Variants in SLC22A23 observed in about 807,000 individuals in gnomAD.
The protein encoded by SLC22A23 is solute carrier family 22 member 23.
In SLC22A23, 26 loss-of-function variants were observed where a neutral mutation model predicts 61.0. That is an observed-to-expected ratio of 0.43 (90% confidence interval 0.31 to 0.59). The LOEUF is 0.59. Ranked by LOEUF, SLC22A23 falls within the 20% of genes least tolerant of loss-of-function variation. The pLI is 0.11. For missense variants in SLC22A23, 796 were observed against 934.7 expected, an observed-to-expected ratio of 0.85 and a Z score of 1.94; for synonymous variants, 430 against 413.9, an observed-to-expected ratio of 1.04 and a Z score of -0.47.
chr6:3,386,048 C>T lies in SLC22A23; in HGVS notation c.913+24140G>A, dbSNP rs1312989331. Among the ~76,000 whole-genome samples, 3 of 152,184 alleles carry T rather than the reference C, an allele frequency of 2.0e-5. No individual in the cohort carries two copies. Among genetic ancestry groups the T allele is most frequent in the South Asian group, 2.1e-4 (1 of 4,834 alleles). ...GTGACACATCTCACTCTAAATGATG[C>T]GGCTCTCAAATTCCCCATTCATGCC... On this transcript the variant is annotated intron_variant, in intron 3 of 9. Coordinates refer to ENST00000406686, the MANE Select transcript of SLC22A23 (RefSeq NM_015482.2). The surrounding 1 kb of genome is among the most constrained non-coding windows in gnomAD (Gnocchi z 4.4).
chr6:3,371,529 T>C (rs1462430779), intron 3 of SLC22A23, among the ~76,000 whole-genome samples: 1 of 152,232 alleles, frequency 6.6e-6, no homozygotes, highest in African/African-American at 2.4e-5. Context: ...GGCGGGGGCT[T>C]AGACTCCTGG....
At position 3,454,585 on chromosome 6, in the gene SLC22A23, T is replaced by C. The variant is rs1307972597; in HGVS notation, c.654+1321A>G. On this transcript the variant is annotated intron_variant, in intron 1 of 9. Coordinates refer to ENST00000406686, the MANE Select transcript of SLC22A23 (RefSeq NM_015482.2). This position sits in a 1 kb window ranked among gnomAD's most constrained non-coding sequence, Gnocchi z 4.3. ...TGCTGCTAAACCAACAAAGAAATAT[T>C]GCCCTCCGTGAAGGGAAAACAGTCA... Among the ~76,000 whole-genome samples, 6 of 152,224 alleles carry C rather than the reference T, an allele frequency of 3.9e-5. No homozygotes were observed. Among genetic ancestry groups the C allele is most frequent in the Non-Finnish European group, 7.3e-5 (5 of 68,046 alleles).
At chr6:3,418,195 G>C (rs971534616) in intron 1 of SLC22A23, among the ~76,000 whole-genome samples, 1 of 152,166 alleles carries the variant, frequency 6.6e-6, no homozygotes, top group East Asian at 1.9e-4. Context: ...AACACATCCC[G>C]ACCCCAGGTT....
chr6:3,389,930 A>G (rs1239968183), intron 3 of SLC22A23, among the ~76,000 whole-genome samples: 2 of 152,236 alleles, frequency 1.3e-5, no homozygotes, highest in African/African-American at 4.8e-5. Context: ...CCTTTTGGCT[A>G]ACTTCGCAAA....
Position 3,410,190 on chromosome 6 carries a change from A to G in SLC22A23, c.911T>C (p.Leu304Ser). The change falls in exon 3 of 10, where the codon TTA becomes TCA. Residue 304 changes from leucine to serine, a missense_variant and splice_region_variant. Physicochemically the swap from Leu to Ser is moderately radical, Grantham distance 145. Transcript: ENST00000406686. This position sits in a 1 kb window ranked among gnomAD's most constrained non-coding sequence, Gnocchi z 5.0. ...LAGIILTLYA[L>S]RIELCPPGKR... is the part of the protein sequence containing the mutation. ...TAGTCGTGAAGGCTCCTACTTACGT[A>G]AAGCATACAAGGTGAGAATGATTCC... 1 of 1,607,840 alleles carries G rather than the reference A, an allele frequency of 6.2e-7. No individual in the cohort carries two copies. Among genetic ancestry groups the G allele is most frequent in the Non-Finnish European group, 8.5e-7 (1 of 1,178,076 alleles).
intron 3 of SLC22A23, among the ~76,000 whole-genome samples, chr6:3,409,975 C>A (rs1038787565): frequency 3.9e-5 from 6 of 152,200 alleles, no homozygotes; most frequent in Non-Finnish European, 7.3e-5. Context: ...CTTTGATGTG[C>A]ACTGAGCCCG....
intron 1 of SLC22A23, 149 bp downstream of exon 1, chr6:3,455,757 G>T: frequency 1.0e-6 from 1 of 959,240 alleles, no homozygotes; most frequent in South Asian, 1.9e-5. Flanking sequence ...CATGTGGTTT[G>T]GGGGACGGAA....
chr6:3,345,159 T>C (rs1473248738), intron 3 of SLC22A23, among the ~76,000 whole-genome samples: 2 of 152,172 alleles, frequency 1.3e-5, no homozygotes, highest in African/African-American at 2.4e-5. Flanking sequence ...CCAAATTCAG[T>C]AGACTCCTAG....
chr6:3,355,052 G>A (rs1482386377), intron 3 of SLC22A23, among the ~76,000 whole-genome samples: 2 of 151,572 alleles, frequency 1.3e-5, no homozygotes, highest in Non-Finnish European at 2.9e-5. Context: ...TCCTACTACC[G>A]AGTTTATAAA....
rs904928693 is a variant in SLC22A23 at position 3,433,636 on chromosome 6, C to T, written c.655-17781G>A. Reference sequence around the variant, plus strand: ...GGGCACAGCAGTCTAAGCATAATCACCACAGGCTGGAAACAACCCTGCGTC... The same window carrying T: ...GGGCACAGCAGTCTAAGCATAATCATCACAGGCTGGAAACAACCCTGCGTC... On this transcript the variant is annotated intron_variant, in intron 1 of 9. Transcript: ENST00000406686. Among the ~76,000 whole-genome samples, 10 of 152,286 alleles carry T rather than the reference C, an allele frequency of 6.6e-5. No homozygotes were observed. The East Asian group carries it at 1.5e-3, about 24-fold the overall frequency.
At chr6:3,282,453 G>A in intron 9 of SLC22A23, 1 of 607,960 alleles carries the variant, frequency 1.6e-6, no homozygotes, top group Non-Finnish European at 2.9e-6. Context: ...CAAAAAGTGT[G>A]GACGTGAAGA....
chr6:3,358,015 C>A (rs566706445), intron 3 of SLC22A23, among the ~76,000 whole-genome samples: 2 of 152,254 alleles, frequency 1.3e-5, no homozygotes, highest in South Asian at 4.2e-4. Context: ...GAGAGGCAAC[C>A]AGCTCTTGCA....
chr6:3,281,017 C>G (rs1242216832), intron 9 of SLC22A23, among the ~76,000 whole-genome samples: 2 of 152,140 alleles, frequency 1.3e-5, no homozygotes, highest in African/African-American at 4.8e-5. Flanking sequence ...AGGCGGGTGT[C>G]ATGATCACCA....
chr6:3,417,562 A>T, intron 1 of SLC22A23, among the ~76,000 whole-genome samples: 1 of 152,186 alleles, frequency 6.6e-6, no homozygotes, highest in Middle Eastern at 3.2e-3. Context: ...TGCTCCAGGG[A>T]CCAGCAGCAT....
At chr6:3,367,668 T>C (rs1158506481) in intron 3 of SLC22A23, among the ~76,000 whole-genome samples, 3 of 152,184 alleles carry the variant, frequency 2.0e-5, no homozygotes, top group Non-Finnish European at 2.9e-5. Context: ...ACACAGCTCA[T>C]AGTGGTGGTA....
At position 3,292,641 on chromosome 6, in the gene SLC22A23, C is replaced by T. The variant is rs895573331; in HGVS notation, c.1211-2775G>A. Among the ~76,000 whole-genome samples the T allele has an allele frequency of 4.6e-5, 7 of 152,364 alleles. No homozygotes were observed. The South Asian group carries it at 6.2e-4, about 14-fold the overall frequency. ...CAGCCCCTGTGCCTCCACATTTTCA[C>T]GGATCCCCGTGTGGTCGGGGCTGAG... is the stretch of plus-strand genomic sequence containing the variant. On this transcript the variant is annotated intron_variant, in intron 5 of 9. Transcript: ENST00000406686.
chr6:3,294,600 G>A (rs1760910395), intron 5 of SLC22A23, among the ~76,000 whole-genome samples: 1 of 152,178 alleles, frequency 6.6e-6, no homozygotes, highest in East Asian at 1.9e-4. Context: ...GCATTAGGCT[G>A]CTGGCCACAC....
intron 3 of SLC22A23, among the ~76,000 whole-genome samples, chr6:3,401,087 A>T (rs902555279): frequency 6.6e-6 from 1 of 152,260 alleles, no homozygotes; most frequent in African/African-American, 2.4e-5. Context: ...CATGCCTGTA[A>T]TCCCAGCACT....
chr6:3,357,977 G>C (rs1765216674), intron 3 of SLC22A23, among the ~76,000 whole-genome samples: 1 of 152,220 alleles, frequency 6.6e-6, no homozygotes, highest in Non-Finnish European at 1.5e-5. Context: ...GTGAGGGGAA[G>C]GGAAGAGGCC....
Sources: allele counts gnomAD v4.1 joint callset (sites outside exome capture counted in the v4.1 genomes callset), GRCh38; gene constraint gnomAD v4.1.1; non-coding constraint Gnocchi (gnomAD v3.1); transcripts MANE v1.5; gene names NCBI Gene and HGNC (gene_info 2026-07-23, HGNC 2026-07-21).